The following DUSP10 variants were observed in gnomAD, a reference collection of about 807,000 sequenced individuals.
DUSP10 encodes the protein dual specificity protein phosphatase 10.
A neutral mutation model predicts 30.8 loss-of-function variants in DUSP10; 14 were observed. That is an observed-to-expected ratio of 0.46 (90% CI 0.30 to 0.71). The LOEUF (loss-of-function observed/expected upper bound fraction) is 0.71, where lower values mean the gene tolerates loss of function less well. Ranked by LOEUF, DUSP10 falls within the 30% of genes least tolerant of loss-of-function variation. The pLI is 0.08. For synonymous variants in DUSP10, 254 were observed against 250.4 expected (o/e 1.01, Z -0.14); for missense variants, 550 against 619.4 (o/e 0.89, Z 1.19).
intron 2 of DUSP10, among the ~76,000 whole-genome samples, chr1:221,728,093 TCTCA>T (rs1325135922): frequency 6.6e-6 from 1 of 152,210 alleles, no homozygotes; most frequent in African/African-American, 2.4e-5. Context: ...GCCTCCATTT[TCTCA>T]CTGTCTTACA....
Position 221,702,347 on chromosome 1 carries a change from G to A in DUSP10, c.*65C>T. ...AAAAAAAAAGAAAGAAAAAAAACCA[G>A]AATCCATCCTCCTTCCTCATTGTCT... On this transcript the variant is annotated 3_prime_UTR_variant, in exon 4 of 4. Coordinates refer to ENST00000366899, the MANE Select transcript of DUSP10 (RefSeq NM_007207.6). The surrounding 1 kb of genome is among the most constrained non-coding windows in gnomAD (Gnocchi z 4.5). The A allele has an allele frequency of 2.6e-6, 4 of 1,524,142 alleles. No homozygotes were observed. The highest frequency in any genetic ancestry group is 3.5e-6 in the Non-Finnish European group (4 of 1,134,170). 94.4% of individuals were successfully genotyped at this position (1,524,142 alleles called of 1,614,324 possible).
At position 221,731,268 on chromosome 1, in the gene DUSP10, A is replaced by AT. The variant is rs201267879; in HGVS notation, c.811+7665dup. ...CTGGTTTTTAATTGTACTTGCAAACATTTTATTTTTTTAAAGCAGGCCAAA... is the reference window on the plus strand; with the variant it reads ...CTGGTTTTTAATTGTACTTGCAAACATTTTTATTTTTTTAAAGCAGGCCAAA... On this transcript the variant is annotated intron_variant, in intron 2 of 3. Coordinates refer to ENST00000366899, the MANE Select transcript of DUSP10 (RefSeq NM_007207.6). Among the ~76,000 whole-genome samples the AT allele has an allele frequency of 8.8e-3, 1,335 of 151,392 alleles. 45 individuals carry two copies. The highest frequency in any genetic ancestry group is 0.061 in the East Asian group (316 of 5,168).
intron 2 of DUSP10, among the ~76,000 whole-genome samples, chr1:221,726,351 T>C (rs543051415): frequency 2.6e-5 from 4 of 152,320 alleles, no homozygotes; most frequent in African/African-American, 4.8e-5. Context: ...TCTTAATTTA[T>C]ATTAATAGGC....
In DUSP10 at chr1:221,739,712, T is replaced by A; in HGVS notation, c.33A>T (p.Val11=). 1 of 1,609,498 alleles carries A rather than the reference T, an allele frequency of 6.2e-7. No homozygotes were observed. Among genetic ancestry groups the A allele is most frequent in the Non-Finnish European group, 8.5e-7 (1 of 1,177,110 alleles). Residue 11 remains valine, a synonymous_variant, in exon 2 of 4, where the codon GTA becomes GTT. Coordinates refer to ENST00000366899, the MANE Select transcript of DUSP10 (RefSeq NM_007207.6). MPPSPLDDRV[V]VALSRPVRPQ... The stretch of plus-strand genomic sequence containing the variant: ...GTCGGACGGGCCTAGATAGTGCCAC[T>A]ACTACCCTGTCGTCTAAAGGAGACG...
At chr1:221,725,802 T>C (rs1360383759) in intron 2 of DUSP10, among the ~76,000 whole-genome samples, 1 of 152,068 alleles carries the variant, frequency 6.6e-6, no homozygotes, top group Non-Finnish European at 1.5e-5. Context: ...ACACATCTAC[T>C]CAGCATCTCA....
chr1:221,717,268 C>G (rs1558120334), intron 2 of DUSP10, among the ~76,000 whole-genome samples: 2 of 151,984 alleles, frequency 1.3e-5, no homozygotes, highest in African/African-American at 4.8e-5. Flanking sequence ...TGTGGGGAGG[C>G]ACAATGACTG....
intron 2 of DUSP10, among the ~76,000 whole-genome samples, chr1:221,711,211 C>CT (rs1272267049): frequency 6.6e-6 from 1 of 152,208 alleles, no homozygotes; most frequent in African/African-American, 2.4e-5. Context: ...GTTTTGGCGA[C>CT]TGCAGTCCTA....
intron 2 of DUSP10, among the ~76,000 whole-genome samples, chr1:221,721,662 C>T (rs1362823129): frequency 6.6e-6 from 1 of 152,126 alleles, no homozygotes; most frequent in South Asian, 2.1e-4. Flanking sequence ...TGGCCTCTTA[C>T]CCCTTTCTCC....
chr1:221,733,337 A>G (rs1274273344), intron 2 of DUSP10, among the ~76,000 whole-genome samples: 1 of 152,260 alleles, frequency 6.6e-6, no homozygotes. Flanking sequence ...CTTTGAAAAC[A>G]GAAATAGGCA....
chr1:221,721,522 C>T (rs543366546), intron 2 of DUSP10, among the ~76,000 whole-genome samples: 1 of 152,284 alleles, frequency 6.6e-6, no homozygotes, highest in South Asian at 2.1e-4. Context: ...TCCTGGCATT[C>T]CAAGGCTGGG....
At chr1:221,734,717 A>G (rs1661710782) in intron 2 of DUSP10, among the ~76,000 whole-genome samples, 1 of 152,212 alleles carries the variant, frequency 6.6e-6, no homozygotes, top group Middle Eastern at 3.2e-3. Context: ...CAGGCTGACT[A>G]GATCCGAAGT....
intron 2 of DUSP10, chr1:221,736,895 G>A (rs1010566691): frequency 1.0e-5 from 10 of 985,330 alleles, no homozygotes; most frequent in African/African-American, 1.7e-5. Flanking sequence ...TCACCAACTC[G>A]AAAATGACGA....
chr1:221,740,894 G>A (rs184724405), intron 1 of DUSP10, among the ~76,000 whole-genome samples: 24 of 152,270 alleles, frequency 1.6e-4, no homozygotes, highest in African/African-American at 5.8e-4. Context: ...ACTCAGGCTT[G>A]CTAACTCTTC....
chr1:221,723,899 T>A (rs1174783621), intron 2 of DUSP10, among the ~76,000 whole-genome samples: 3 of 152,220 alleles, frequency 2.0e-5, no homozygotes, highest in Non-Finnish European at 2.9e-5. Flanking sequence ...CAATCTTCAG[T>A]CCCACTCTCT....
chr1:221,706,293 G>T lies in DUSP10; in HGVS notation c.985C>A (p.Leu329Met), dbSNP rs1236603356. 3.1e-6 allele frequency: 5 copies of T among 1,614,230 alleles called. No individual in the cohort carries two copies. Among genetic ancestry groups the T allele is most frequent in the Non-Finnish European group, 3.4e-6 (4 of 1,180,032 alleles). Reference protein sequence around the residue: ...NAELTPILPFLFLGNEQDAQD... With the variant: ...NAELTPILPFMFLGNEQDAQD... ...GCATCCTGCTCATTGCCAAGGAACA[G>T]GAAGGGCAAGATGGGGGTGAGCTCA... Residue 329 changes from leucine (L) to methionine (M), a missense_variant, in exon 3 of 4, where the codon CTG becomes ATG. Leu to Met is a conservative substitution (Grantham distance 15). Transcript: ENST00000366899. This position sits in a 1 kb window ranked among gnomAD's most constrained non-coding sequence, Gnocchi z 4.6.
chr1:221,731,689 A>G (rs1571829147), intron 2 of DUSP10, among the ~76,000 whole-genome samples: 1 of 146,078 alleles, frequency 6.8e-6, no homozygotes, highest in Non-Finnish European at 1.5e-5. Context: ...GCTCACTCCA[A>G]CCTCCACCTC....
At chr1:221,729,751 T>C (rs1163961980) in intron 2 of DUSP10, among the ~76,000 whole-genome samples, 3 of 152,212 alleles carry the variant, frequency 2.0e-5, no homozygotes, top group Non-Finnish European at 4.4e-5. Flanking sequence ...TAACTGATGT[T>C]CTGCTGGCAG....
intron 2 of DUSP10, among the ~76,000 whole-genome samples, chr1:221,711,482 T>C (rs528138968): frequency 7.2e-5 from 11 of 152,180 alleles, no homozygotes; most frequent in African/African-American, 2.2e-4. Context: ...CTTCTACAGT[T>C]TGCTATAAGC....
intron 2 of DUSP10, among the ~76,000 whole-genome samples, chr1:221,719,023 A>G (rs1661201736): frequency 6.6e-6 from 1 of 152,220 alleles, no homozygotes; most frequent in Admixed American, 6.5e-5. Flanking sequence ...AAAATCATGT[A>G]TGGAAGTGCC....
Sources: gnomAD v4.1 joint callset for allele counts (sites outside exome capture counted in the v4.1 genomes callset) on GRCh38, gnomAD v4.1.1 for gene constraint, Gnocchi (gnomAD v3.1) non-coding constraint, MANE v1.5 for transcripts, NCBI Gene and HGNC (gene_info 2026-07-23, HGNC 2026-07-21) for gene names.